Variants in UGT1A8 observed in about 807,000 individuals in gnomAD.
UGT1A8 encodes the protein UDP glucuronosyltransferase family 1 member A8.
A neutral mutation model predicts 45.3 loss-of-function variants in UGT1A8; 39 were observed. That is an observed-to-expected ratio of 0.86 (90% CI 0.67 to 1.12). The LOEUF (loss-of-function observed/expected upper bound fraction) is 1.12. Ranked by LOEUF, UGT1A8 falls within the 50% of genes most tolerant of loss-of-function variation. The pLI, the probability that UGT1A8 is intolerant of heterozygous loss-of-function variation, is 0.00. For synonymous variants in UGT1A8, 275 were observed against 249.2 expected (o/e 1.10, Z -0.97); for missense variants, 719 against 664.9 (o/e 1.08, Z -0.90).
chr2:233,667,622 A>G (rs532947052), intron 1 of UGT1A8, among the ~76,000 whole-genome samples: 1 of 152,336 alleles, frequency 6.6e-6, no homozygotes, highest in Admixed American at 6.5e-5. Context: ...AAAATTTTGG[A>G]ATCTACTCAT....
chr2:233,754,442 A>C (rs1695486969), intron 1 of UGT1A8: 2 of 350,172 alleles, frequency 5.7e-6, no homozygotes, highest in African/African-American at 4.3e-5. Flanking sequence ...AGTGTTTATA[A>C]ATTCTTGGGT....
intron 1 of UGT1A8, among the ~76,000 whole-genome samples, chr2:233,645,204 C>T (rs1225687431): frequency 6.6e-6 from 1 of 152,180 alleles, no homozygotes; most frequent in Non-Finnish European, 1.5e-5. Context: ...GAGACTTATT[C>T]ACTATCAAGA....
At chr2:233,718,993 C>CGGT (rs2076711815) in intron 1 of UGT1A8, 1 of 1,614,206 alleles carries the variant, frequency 6.2e-7, no homozygotes, top group Non-Finnish European at 8.5e-7. Flanking sequence ...GGCCACCAGG[C>CGGT]GGTGGTCCTC....
chr2:233,761,183 A>G (rs753887460), intron 1 of UGT1A8: 42 of 1,614,074 alleles, frequency 2.6e-5, no homozygotes, highest in Non-Finnish European at 3.5e-5. Context: ...TTACATGCGT[A>G]TATTCTTTCA....
At chr2:233,757,535 A>AATAAATATACATATACATATATATATAT (rs1553619837) in intron 1 of UGT1A8, among the ~76,000 whole-genome samples, 4 of 88,284 alleles carry the variant, frequency 4.5e-5, no homozygotes, top group African/African-American at 2.0e-4. Flanking sequence ...GCCTGTAAGG[A>AATAAATATACATATACATATATATATAT]ATATATATAT....
chr2:233,732,094 T>C (rs1575595970), intron 1 of UGT1A8, among the ~76,000 whole-genome samples: 2 of 152,276 alleles, frequency 1.3e-5, no homozygotes, highest in South Asian at 2.1e-4. Flanking sequence ...TTTTGAGAAG[T>C]GTCTGTTCAT....
chr2:233,752,944 C>T (rs1559397408), intron 1 of UGT1A8, among the ~76,000 whole-genome samples: 2 of 152,230 alleles, frequency 1.3e-5, no homozygotes, highest in Non-Finnish European at 2.9e-5. Context: ...TTGCTGACCA[C>T]TGAACAATGG....
At chr2:233,655,017 A>G (rs1559326828) in intron 1 of UGT1A8, among the ~76,000 whole-genome samples, 1 of 151,984 alleles carries the variant, frequency 6.6e-6, no homozygotes, top group African/African-American at 2.4e-5. Context: ...TGAACCTGGA[A>G]GATGGAGGTT....
At chr2:233,767,287 C>A in intron 2 of UGT1A8, 122 bp downstream of exon 2, 1 of 1,567,668 alleles carries the variant, frequency 6.4e-7, no homozygotes, top group East Asian at 2.3e-5. Flanking sequence ...CTGCCACTTC[C>A]CAACTATTAA....
chr2:233,760,276 A>C (rs1040602725), intron 1 of UGT1A8: 1 of 1,612,488 alleles, frequency 6.2e-7, no homozygotes, highest in Non-Finnish European at 8.5e-7. Flanking sequence ...CTCTGGCAGG[A>C]GCAAAGGCGC....
At chr2:233,729,752 A>G in intron 1 of UGT1A8, 1 of 1,614,000 alleles carries the variant, frequency 6.2e-7, no homozygotes, top group African/African-American at 1.3e-5. Context: ...ACATTCATGC[A>G]AAGGGTCAAG....
Position 233,626,206 on chromosome 2 carries a change from G to A in UGT1A8, c.855+7644G>A, listed in dbSNP as rs2073081702. On this transcript the variant is annotated intron_variant, in intron 1 of 4. Coordinates refer to ENST00000373450, the MANE Select transcript of UGT1A8 (RefSeq NM_019076.5). ...CAGTACTAATCCTTCTTCCCCATTT[G>A]CTTTAGTTTCAGTGCCCATAAGGGT... Among the ~76,000 whole-genome samples the A allele has an allele frequency of 2.0e-5, 3 of 151,930 alleles. No homozygotes were observed. In the South Asian group the frequency reaches 6.2e-4, roughly 32 times the overall value.
intron 1 of UGT1A8, chr2:233,729,209 G>T (rs1321436420): frequency 6.2e-7 from 1 of 1,613,990 alleles, no homozygotes. Flanking sequence ...TGGGCTGAGA[G>T]TGGAAAGGTG....
intron 1 of UGT1A8, among the ~76,000 whole-genome samples, chr2:233,761,962 G>T (rs1257423083): frequency 6.6e-6 from 1 of 152,228 alleles, no homozygotes; most frequent in Non-Finnish European, 1.5e-5. Context: ...CCATTAAGGG[G>T]ACTGATATCA....
At position 233,767,112 on chromosome 2, in the gene UGT1A8, C is replaced by G; in HGVS notation, c.934C>G (p.Pro312Ala). Residue 312 changes from proline (P) to alanine (A), a missense_variant, in exon 2 of 5, where the codon CCA (proline) becomes GCA (alanine). Coordinates refer to ENST00000373450, the MANE Select transcript of UGT1A8 (RefSeq NM_019076.5). The part of the protein sequence containing the change: ...FSLGSMVSEI[P>A]EKKAMAIADA... ...TTTGGGATCAATGGTCTCAGAAATT[C>G]CAGAGAAGAAAGCTATGGCAATTGC... 6.2e-7 allele frequency: 1 copy of G among 1,614,080 alleles called. No homozygotes were observed. The highest frequency in any genetic ancestry group is 8.5e-7 in the Non-Finnish European group (1 of 1,180,008).
intron 1 of UGT1A8, chr2:233,754,508 T>C (rs1695500116): frequency 2.8e-6 from 1 of 361,410 alleles, no homozygotes; most frequent in East Asian, 7.3e-5. Flanking sequence ...CCGCTATTCC[T>C]CCAGATGTGC....
rs267599271 is a variant in UGT1A8, at chr2:233,713,125, G to A, written c.856-53909G>A. On this transcript the variant is annotated intron_variant, in intron 1 of 4. Transcript: ENST00000373450. ...GATGGCAGCCACTGGCTCAGCATGC[G>A]GGAGGCCTTGCGGGACCTCCATGCG... 5.5e-5 allele frequency: 89 copies of A among 1,614,190 alleles called. No homozygotes were observed. Among genetic ancestry groups the A allele is most frequent in the Admixed American group, 3.2e-4 (19 of 60,030 alleles).
intron 1 of UGT1A8, among the ~76,000 whole-genome samples, chr2:233,640,775 C>G (rs553774643): frequency 2.0e-5 from 3 of 152,258 alleles, no homozygotes; most frequent in East Asian, 3.9e-4. Flanking sequence ...CAACTCTATA[C>G]CCTTGGTCAG....
At chr2:233,636,954 A>C (rs944162954) in intron 1 of UGT1A8, 1 of 1,613,972 alleles carries the variant, frequency 6.2e-7, no homozygotes. Flanking sequence ...CTTTTGATGC[A>C]GTGTTTCTGG....
Sources: gnomAD v4.1 joint callset for allele counts (sites outside exome capture counted in the v4.1 genomes callset) on GRCh38, gnomAD v4.1.1 for gene constraint, MANE v1.5 for transcripts, NCBI Gene and HGNC (gene_info 2026-07-23, HGNC 2026-07-21) for gene names.